Variants in RIOK3 observed in about 807,000 individuals in gnomAD.
RIOK3 encodes the protein RIO kinase 3.
RIOK3 carries 40 observed loss-of-function variants against 63.5 expected under a neutral mutation model. That is an observed-to-expected ratio of 0.63 (90% confidence interval 0.49 to 0.82). The LOEUF (loss-of-function observed/expected upper bound fraction) is 0.82, where lower values mean the gene tolerates loss of function less well. Among genes scored for constraint, RIOK3 ranks in the 40% least tolerant of loss-of-function variants. RIOK3 has a pLI of 0.00. For synonymous variants in RIOK3, 193 were observed against 205.0 expected (o/e 0.94, Z 0.50); for missense variants, 557 against 637.0 (o/e 0.87, Z 1.35).
At chr18:23,473,058 T>G (rs1323734475) in intron 7 of RIOK3, among the ~76,000 whole-genome samples, 1 of 152,226 alleles carries the variant, frequency 6.6e-6, no homozygotes, top group Non-Finnish European at 1.5e-5. Context: ...GAGTTATTTT[T>G]TAAAAAGCTG....
chr18:23,457,071 T>C (rs1396458560), intron 1 of RIOK3, among the ~76,000 whole-genome samples: 2 of 152,210 alleles, frequency 1.3e-5, no homozygotes, highest in Non-Finnish European at 2.9e-5. Flanking sequence ...CTCCACACTC[T>C]TGGGAGAATG....
At chr18:23,476,079 A>C (rs1213484784) in intron 9 of RIOK3, among the ~76,000 whole-genome samples, 3 of 151,298 alleles carry the variant, frequency 2.0e-5, no homozygotes. Context: ...GAGCCACCAC[A>C]CCCAGCCATT....
intron 1 of RIOK3, among the ~76,000 whole-genome samples, chr18:23,460,342 T>C (rs1401580043): frequency 1.3e-5 from 2 of 152,232 alleles, no homozygotes; most frequent in Non-Finnish European, 2.9e-5. Context: ...TAGGGCAGTT[T>C]GCTTCACACA....
At chr18:23,480,551 G>GCA (rs1362909473) in intron 12 of RIOK3, among the ~76,000 whole-genome samples, 165 of 46,870 alleles carry the variant, frequency 3.5e-3, no homozygotes, top group African/African-American at 0.012. Flanking sequence ...ATACTTGGAT[G>GCA]CACGCACACA....
rs199977739 is a variant in RIOK3, at chr18:23,473,622, G to A, written c.1009G>A (p.Ala337Thr). 4.2e-5 allele frequency: 68 copies of A among 1,609,778 alleles called. No homozygotes were observed. Among genetic ancestry groups the A allele is most frequent in the African/African-American group, 2.5e-4 (19 of 74,920 alleles). Reference protein sequence around the residue: ...MWAEKEMHNLARMQRAGIPCP... With the variant: ...MWAEKEMHNLTRMQRAGIPCP... Reference sequence around the variant, plus strand: ...GGCAGAAAAAGAAATGCACAATCTCGCAAGGTAAAGAAAATATTGTGCTAG... The same window carrying A: ...GGCAGAAAAAGAAATGCACAATCTCACAAGGTAAAGAAAATATTGTGCTAG... The change falls in exon 8 of 13, where the codon GCA becomes ACA. Residue 337 changes from alanine (A) to threonine (T), a missense_variant. Around this residue, in one of 3 missense-constraint regions of RIOK3, gnomAD observed 309 missense variants for 338.7 expected, o/e 0.91. Coordinates refer to ENST00000339486, the MANE Select transcript of RIOK3 (RefSeq NM_003831.5).
Position 23,471,964 on chromosome 18 carries a change from G to T in RIOK3, c.816-1465G>T, listed in dbSNP as rs942560783. Reference sequence around the variant, plus strand: ...GTGGGAGTTATCGGCCAGGCGCGGTGGCTCACGCCTGTAATCCCAGCACTT... The same window carrying T: ...GTGGGAGTTATCGGCCAGGCGCGGTTGCTCACGCCTGTAATCCCAGCACTT... On this transcript the variant is annotated intron_variant, in intron 7 of 12. Coordinates refer to ENST00000339486, the MANE Select transcript of RIOK3 (RefSeq NM_003831.5). 1.8e-4 allele frequency among the ~76,000 whole-genome samples: 27 copies of T among 152,222 alleles called. No individual in the cohort carries two copies. The South Asian group carries it at 5.6e-3, about 32-fold the overall frequency.
At chr18:23,478,830 AAG>A (rs2057512005) in intron 11 of RIOK3, among the ~76,000 whole-genome samples, 1 of 151,998 alleles carries the variant, frequency 6.6e-6, no homozygotes, top group Non-Finnish European at 1.5e-5. Context: ...GGTTTAGTGA[AAG>A]TATTTCCTTT....
Position 23,467,451 on chromosome 18 carries a change from C to G in RIOK3, c.740C>G (p.Ser247Cys). 1 of 1,613,210 alleles carries G rather than the reference C, an allele frequency of 6.2e-7. No individual in the cohort carries two copies. The highest frequency in any genetic ancestry group is 8.5e-7 in the Non-Finnish European group (1 of 1,179,346). ...TRLLMYKMVNSGMLETITGCI... is the reference protein window; with the variant it reads ...TRLLMYKMVNCGMLETITGCI... ...TTACTTATGTATAAAATGGTCAACTCTGGAATGTTGGAGACAATCACTGGC... is the reference window on the plus strand; with the variant it reads ...TTACTTATGTATAAAATGGTCAACTGTGGAATGTTGGAGACAATCACTGGC... The change falls in exon 7 of 13, where the codon TCT becomes TGT. Residue 247 changes from serine (S) to cysteine (C), a missense_variant. Ser to Cys is a moderately radical substitution (Grantham distance 112). This residue lies in a region of RIOK3 where 309 missense variants were observed against 338.7 expected (regional missense o/e 0.91). Transcript: ENST00000339486.
chr18:23,480,151 C>T (rs940504510), intron 12 of RIOK3, among the ~76,000 whole-genome samples: 1 of 152,230 alleles, frequency 6.6e-6, no homozygotes, highest in Admixed American at 6.5e-5. Context: ...AAGCTTCCTC[C>T]AGAGAAAGTC....
At chr18:23,459,414 G>GAGGGGGCTC (rs1237997746) in intron 1 of RIOK3, among the ~76,000 whole-genome samples, 2 of 152,152 alleles carry the variant, frequency 1.3e-5, no homozygotes, top group African/African-American at 4.8e-5. Flanking sequence ...GCTGGGCTCT[G>GAGGGGGCTC]AGGGTTGATG....
intron 12 of RIOK3, among the ~76,000 whole-genome samples, chr18:23,480,580 C>CAT: frequency 6.6e-6 from 1 of 151,824 alleles, no homozygotes; most frequent in Non-Finnish European, 1.5e-5. Context: ...CACACACACA[C>CAT]ACACACACAC....
At position 23,464,117 on chromosome 18, in the gene RIOK3, T is replaced by G. The variant is rs1351248285; in HGVS notation, c.325+5T>G. 2 of 1,609,802 alleles carry G rather than the reference T, an allele frequency of 1.2e-6. No homozygotes were observed. The highest frequency in any genetic ancestry group is 2.7e-5 in the African/African-American group (2 of 74,710). ...AATTCAATGGAGATAGCAAAGGTATTATAACCTTATTGTGACAACTTCATT... is the reference window on the plus strand; with the variant it reads ...AATTCAATGGAGATAGCAAAGGTATGATAACCTTATTGTGACAACTTCATT... On this transcript the variant is annotated splice_donor_5th_base_variant and intron_variant, in intron 3 of 12. Coordinates refer to ENST00000339486, the MANE Select transcript of RIOK3 (RefSeq NM_003831.5).
At chr18:23,461,573 A>G (rs2057372253) in intron 1 of RIOK3, among the ~76,000 whole-genome samples, 1 of 152,248 alleles carries the variant, frequency 6.6e-6, no homozygotes, top group Admixed American at 6.5e-5. Flanking sequence ...ACTAAATAGT[A>G]AAGGTCTTAA....
At chr18:23,468,958 G>A (rs994739234) in intron 7 of RIOK3, among the ~76,000 whole-genome samples, 3 of 152,164 alleles carry the variant, frequency 2.0e-5, no homozygotes, top group African/African-American at 7.2e-5. Context: ...CCTTTCAGTT[G>A]CAGCTATACG....
At chr18:23,457,966 C>T (rs1346391252) in intron 1 of RIOK3, among the ~76,000 whole-genome samples, 1 of 151,540 alleles carries the variant, frequency 6.6e-6, no homozygotes, top group African/African-American at 2.4e-5. Flanking sequence ...GCAATCTTGG[C>T]TCACTGCAAC....
chr18:23,458,063 G>GT (rs201406755), intron 1 of RIOK3, among the ~76,000 whole-genome samples: 34,077 of 137,608 alleles, frequency 0.25, 4,773 homozygotes, highest in East Asian at 0.41. Context: ...CTGGCTAGTT[G>GT]TTTTTTTTTT....
At chr18:23,465,766 C>A (rs976762021) in intron 5 of RIOK3, among the ~76,000 whole-genome samples, 1 of 152,220 alleles carries the variant, frequency 6.6e-6, no homozygotes, top group Admixed American at 6.5e-5. Flanking sequence ...TAACAACCCA[C>A]TCTCCACAAA....
At chr18:23,460,606 T>C (rs1032336884) in intron 1 of RIOK3, among the ~76,000 whole-genome samples, 2 of 152,244 alleles carry the variant, frequency 1.3e-5, no homozygotes, top group Non-Finnish European at 2.9e-5. Flanking sequence ...ATTCAGATAT[T>C]GTCTGTTATG....
intron 7 of RIOK3, among the ~76,000 whole-genome samples, chr18:23,469,336 T>TCTCTCTCTCTCCCC (rs1489200436): frequency 1.4e-4 from 2 of 14,546 alleles, no homozygotes; most frequent in Admixed American, 1.1e-3. Flanking sequence ...TCTCTCTCTC[T>TCTCTCTCTCTCCCC]CCCCCTCTCT....
Sources: allele counts gnomAD v4.1 joint callset (sites outside exome capture counted in the v4.1 genomes callset), GRCh38; gene constraint gnomAD v4.1.1; regional missense constraint gnomAD v4.1.1; transcripts MANE v1.5; gene names NCBI Gene and HGNC (gene_info 2026-07-23, HGNC 2026-07-21).